MCM3AP: variants seen among roughly 807,000 people sequenced by gnomAD.
The protein encoded by MCM3AP is minichromosome maintenance complex component 3 associated protein, also known as germinal-center associated nuclear protein.
MCM3AP carries 126 observed loss-of-function variants against 184.1 expected under a neutral mutation model. That is an observed-to-expected ratio of 0.68 (90% confidence interval 0.59 to 0.79). The LOEUF is 0.79. Among genes scored for constraint, MCM3AP ranks in the 30% least tolerant of loss-of-function variants. The pLI is 0.00. For synonymous variants in MCM3AP, 1,002 were observed against 979.3 expected (o/e 1.02, Z -0.43); for missense variants, 2,496 against 2,479.2 (o/e 1.01, Z -0.14).
chr21:46,275,113 T>C lies in MCM3AP; in HGVS notation c.1998+73A>G, dbSNP rs2081239241. 4.7e-6 allele frequency: 7 copies of C among 1,482,294 alleles called. No homozygotes were observed. In the South Asian group the frequency reaches 9.6e-5, roughly 20 times the overall value. 91.8% of individuals were successfully genotyped at this position (1,482,294 alleles called of 1,614,324 possible). ...ACACTGTCTAAAACAAACACCCAAA[T>C]CAAGTATGTACAGAAATGACAAAAG... On this transcript the variant is annotated intron_variant, in intron 6 of 27. Transcript: ENST00000291688.
At position 46,279,698 on chromosome 21, in the gene MCM3AP, T is replaced by C. The variant is rs183386985; in HGVS notation, c.1667+295A>G. Among the ~76,000 whole-genome samples, 91 of 152,326 alleles carry C rather than the reference T, an allele frequency of 6.0e-4. 1 individual carries two copies. Among genetic ancestry groups the C allele is most frequent in the Admixed American group, 5.9e-3 (91 of 15,302 alleles). On this transcript the variant is annotated intron_variant, in intron 4 of 27. Coordinates refer to ENST00000291688, the MANE Select transcript of MCM3AP (RefSeq NM_003906.5). ...TCAGCAACCTTGGCCCTAGGGTATA[T>C]GAGAACAAGACAGGACAGAATCACT...
In MCM3AP at chr21:46,283,635, C is replaced by T. The variant is rs2081360265; in HGVS notation, c.1423G>A (p.Val475Met). 6 of 1,613,740 alleles carry T rather than the reference C, an allele frequency of 3.7e-6. No individual in the cohort carries two copies. Among genetic ancestry groups the T allele is most frequent in the Non-Finnish European group, 5.1e-6 (6 of 1,179,728 alleles). ...IFTRRSKKLA[V>M]VHFFDHASAA... ...CTCACATGATCAAAGAAATGTACCA[C>T]TGCAAGCTTTTTGCTGCGCCTGGTA... The change falls in exon 2 of 28, where the codon GTG (valine) becomes ATG (methionine). Residue 475 changes from valine to methionine, a missense_variant. This residue lies in a region of MCM3AP where 800 missense variants were observed against 717.1 expected (regional missense o/e 1.12). Coordinates refer to ENST00000291688, the MANE Select transcript of MCM3AP (RefSeq NM_003906.5).
chr21:46,255,194 G>T (rs1371738332), intron 17 of MCM3AP, among the ~76,000 whole-genome samples: 4 of 152,156 alleles, frequency 2.6e-5, no homozygotes, highest in African/African-American at 2.4e-5. Flanking sequence ...TCTCACTCAG[G>T]GTGGTCAGGT....
chr21:46,235,511 T>C (rs756438761), intron 27 of MCM3AP, 85 bp from the exon 28 acceptor site: 3 of 1,159,398 alleles, frequency 2.6e-6, no homozygotes, highest in Middle Eastern at 2.0e-4. Context: ...ATCTGGATCA[T>C]GTTAGAAACC....
At chr21:46,239,629 G>T (rs1423519042) in intron 26 of MCM3AP, among the ~76,000 whole-genome samples, 1 of 152,220 alleles carries the variant, frequency 6.6e-6, no homozygotes, top group African/African-American at 2.4e-5. Context: ...TCCAATAGGT[G>T]TCTAATGAAG....
intron 5 of MCM3AP, among the ~76,000 whole-genome samples, chr21:46,276,049 C>T (rs578000714): frequency 2.8e-4 from 42 of 152,200 alleles, no homozygotes; most frequent in Non-Finnish European, 5.6e-4. Context: ...GTCGGGAGTT[C>T]GAGACCAGCC....
Position 46,277,552 on chromosome 21 carries a change from G to T in MCM3AP, c.1833C>A (p.Asp611Glu), listed in dbSNP as rs765174778. ...ETSKEKYRLLDQRDRIMRQAR... is the reference protein window; with the variant it reads ...ETSKEKYRLLEQRDRIMRQAR... ...CTTGCCGCATGATCCTGTCTCTCTG[G>T]TCAAGCAGGCGGTACTTCTCCTTGG... Residue 611 changes from aspartate to glutamate, a missense_variant, in exon 5 of 28, where the codon GAC (aspartate) becomes GAA (glutamate). By Grantham distance (45) the Asp-to-Glu change is conservative (BLOSUM62 2). Transcript: ENST00000291688. 6.3e-7 allele frequency: 1 copy of T among 1,593,088 alleles called. No homozygotes were observed. The highest frequency in any genetic ancestry group is 8.5e-7 in the Non-Finnish European group (1 of 1,170,576).
chr21:46,253,793 G>C (rs2080908289), intron 19 of MCM3AP: 2 of 155,358 alleles, frequency 1.3e-5, no homozygotes, highest in Admixed American at 1.3e-4. Flanking sequence ...CTGGTTAAGT[G>C]TGTGGAAACT....
At position 46,238,416 on chromosome 21, in the gene MCM3AP, A is replaced by G. The variant is rs1478912219; in HGVS notation, c.5634-1437T>C. 3.3e-5 allele frequency among the ~76,000 whole-genome samples: 4 copies of G among 120,430 alleles called. 1 individual carries two copies. Among genetic ancestry groups the G allele is most frequent in the Non-Finnish European group, 7.1e-5 (4 of 56,682 alleles). 79.0% of individuals were successfully genotyped at this position (120,430 alleles called of 152,430 possible). On this transcript the variant is annotated intron_variant, in intron 26 of 27. Transcript: ENST00000291688. ...TTCCATATACCGGTCTTTTCAAGAA[A>G]AACAATCTTGGCCAGGTGCAGTGGC...
chr21:46,235,405 G>GT lies in MCM3AP; in HGVS notation c.5805dup (p.Leu1936ThrfsTer33), dbSNP rs1322768272. The GT allele has an allele frequency of 6.2e-7, 1 of 1,613,938 alleles. No individual in the cohort carries two copies. Among genetic ancestry groups the GT allele is most frequent in the East Asian group, 2.2e-5 (1 of 44,888 alleles). The stretch of plus-strand genomic sequence containing the variant: ...GTTCCTGTCGCCTCTGACAGCTGCA[G>GT]TTGCTCCCTCATCATGTCACTCTAT... On this transcript the variant is annotated frameshift_variant, in exon 28 of 28. Transcript: ENST00000291688. LOFTEE classifies it high-confidence loss of function.
At chr21:46,277,489 C>T (rs1440701337) in intron 5 of MCM3AP, 38 bp downstream of exon 5, 1 of 1,481,284 alleles carries the variant, frequency 6.8e-7, no homozygotes, top group Admixed American at 2.3e-5. Flanking sequence ...ATGACGACCT[C>T]ACCAGGCCCC....
At chr21:46,277,479 A>G in intron 5 of MCM3AP, 48 bp downstream of exon 5, 2 of 1,445,118 alleles carry the variant, frequency 1.4e-6, no homozygotes, top group African/African-American at 2.9e-5. Flanking sequence ...GGCACCCAAG[A>G]TGACGACCTC....
At chr21:46,237,170 C>T (rs1361383689) in intron 26 of MCM3AP, among the ~76,000 whole-genome samples, 191 bp from the exon 27 acceptor site, 3 of 141,790 alleles carry the variant, frequency 2.1e-5, no homozygotes, top group African/African-American at 7.9e-5. Context: ...GGCATAATCT[C>T]GGGTCAGTGC....
chr21:46,282,846 C>T (rs879386568), intron 2 of MCM3AP, among the ~76,000 whole-genome samples: 4 of 152,080 alleles, frequency 2.6e-5, no homozygotes, highest in Non-Finnish European at 5.9e-5. Flanking sequence ...ATTATGCATA[C>T]ATTTAAAGTC....
intron 15 of MCM3AP, 33 bp from the exon 16 acceptor site, chr21:46,259,124 G>A (rs1253298503): frequency 5.1e-6 from 8 of 1,581,392 alleles, no homozygotes; most frequent in Middle Eastern, 1.8e-4. Context: ...GGAAGACACT[G>A]CACTTGGGGC....
chr21:46,284,290 G>C lies in MCM3AP; in HGVS notation c.997C>G (p.Arg333Gly), dbSNP rs572275194. 6 of 1,614,152 alleles carry C rather than the reference G, an allele frequency of 3.7e-6. No homozygotes were observed. In the South Asian group the frequency reaches 4.4e-5, roughly 12 times the overall value. ...DKRPVRLNRPRGGTLFGRTIQ... is the reference protein window; with the variant it reads ...DKRPVRLNRPGGGTLFGRTIQ... ...GTCCGACCAAATAAAGTACCTCCCC[G>C]GGGTCGATTCAGGCGGACAGGTCGT... The change falls in exon 1 of 28, where the codon CGG becomes GGG. Residue 333 changes from arginine to glycine, a missense_variant. Around this residue, in one of 5 missense-constraint regions of MCM3AP, gnomAD observed 800 missense variants for 717.1 expected, o/e 1.12. Coordinates refer to ENST00000291688, the MANE Select transcript of MCM3AP (RefSeq NM_003906.5).
Position 46,285,079 on chromosome 21 carries a change from C to A in MCM3AP, c.208G>T (p.Val70Leu), listed in dbSNP as rs369577339. Residue 70 changes from valine to leucine, a missense_variant, in exon 1 of 28, where the codon GTG becomes TTG. This residue lies in a region of MCM3AP where 800 missense variants were observed against 717.1 expected (regional missense o/e 1.12). Transcript: ENST00000291688. The stretch of plus-strand genomic sequence containing the variant: ...GTTTGGGTGAACCCTAATGTTTGCA[C>A]TGAAGAGGAATGACTTACTCCAGAA... ...ASSGVSHSSS[V>L]QTLGFTQTSS... 2.5e-5 allele frequency: 41 copies of A among 1,614,044 alleles called. No homozygotes were observed. The African/African-American group carries it at 4.3e-4, about 17-fold the overall frequency.
At chr21:46,265,582 G>C in intron 11 of MCM3AP, 59 bp from the exon 12 acceptor site, 1 of 1,396,612 alleles carries the variant, frequency 7.2e-7, no homozygotes, top group Non-Finnish European at 9.6e-7. Flanking sequence ...TGGCACCACG[G>C]GGACCGAGGT....
At chr21:46,241,701 T>C (rs2839168) in intron 25 of MCM3AP, 52,835 of 152,358 alleles carry the variant, frequency 0.35, 9,999 homozygotes, top group Non-Finnish European at 0.43. Flanking sequence ...TGATGAATTT[T>C]AGAACTTACC....
Sources: allele counts gnomAD v4.1 joint callset (sites outside exome capture counted in the v4.1 genomes callset), GRCh38; gene constraint gnomAD v4.1.1; regional missense constraint gnomAD v4.1.1; transcripts MANE v1.5; gene names NCBI Gene and HGNC (gene_info 2026-07-23, HGNC 2026-07-21).